Variants in PHIP observed in about 807,000 individuals in gnomAD.
PHIP encodes PH-interacting protein.
Under a neutral mutation model 236.8 loss-of-function variants are expected in PHIP, and 54 were observed. The ratio of observed to expected loss-of-function variants is 0.23; its 90% CI spans 0.18 to 0.29. The LOEUF is 0.29. Among genes scored for constraint, PHIP ranks in the 10% least tolerant of loss-of-function variants. The pLI is 1.00. For synonymous variants in PHIP, 756 were observed against 718.9 expected, an observed-to-expected ratio of 1.05 and a Z score of -0.83; for missense variants, 1,370 against 2,190.8, an observed-to-expected ratio of 0.63 and a Z score of 7.48.
At chr6:78,986,053 T>G (rs983621340) in intron 21 of PHIP, among the ~76,000 whole-genome samples, 2 of 152,168 alleles carry the variant, frequency 1.3e-5, no homozygotes, top group African/African-American at 4.8e-5. Context: ...TTGAAATTAA[T>G]TTTTACTTCT....
chr6:78,955,676 C>A lies in PHIP; in HGVS notation c.3789G>T (p.Gln1263His). ...AAAGTGGAATTATGTTATAACAAGTCTGATCCCTACATAACAAGGAAATGT... is the reference window on the plus strand; with the variant it reads ...AAAGTGGAATTATGTTATAACAAGTATGATCCCTACATAACAAGGAAATGT... ...TDLLLHFIKD[Q>H]TCYNIIPLYN... The change falls in exon 33 of 40, where the codon CAG (glutamine) becomes CAT (histidine). Residue 1263 changes from glutamine to histidine, a missense_variant. Around this residue, in one of 14 missense-constraint regions of PHIP, gnomAD observed 38 missense variants for 27.6 expected, o/e 1.38. Transcript: ENST00000275034. 9.6e-7 allele frequency: 1 copy of A among 1,036,938 alleles called. No individual in the cohort carries two copies. 64.2% of individuals were successfully genotyped at this position (1,036,938 alleles called of 1,614,324 possible).
chr6:78,977,727 G>A (rs900201403), intron 24 of PHIP, among the ~76,000 whole-genome samples: 28 of 152,274 alleles, frequency 1.8e-4, no homozygotes, highest in South Asian at 4.1e-4. Context: ...AGGATGTTAA[G>A]ATCTATCACT....
chr6:79,021,804 T>C (rs1394914503), intron 9 of PHIP, among the ~76,000 whole-genome samples: 2 of 152,116 alleles, frequency 1.3e-5, no homozygotes, highest in Non-Finnish European at 2.9e-5. Flanking sequence ...TAAGGCCTAG[T>C]ATTTGATAGC....
Position 78,937,254 on chromosome 6 carries a change from T to G in PHIP, c.*3439A>C, listed in dbSNP as rs187076523. 5.5e-4 allele frequency: 84 copies of G among 151,852 alleles called. No individual in the cohort carries two copies. The highest frequency in any genetic ancestry group is 9.8e-4 in the Non-Finnish European group (66 of 67,654). 9.4% of individuals were successfully genotyped at this position (151,852 alleles called of 1,614,324 possible). A position where few individuals can be genotyped will look rare whatever the true frequency, so the allele number is the denominator to read the frequency against. On this transcript the variant is annotated 3_prime_UTR_variant, in exon 40 of 40. Coordinates refer to ENST00000275034, the MANE Select transcript of PHIP (RefSeq NM_017934.7). ...GCTTCTAGCTGACATTTGAGAGAGA[T>G]ATACAGTAGGTATATATGTATAAAA...
intron 24 of PHIP, 119 bp from the exon 25 acceptor site, chr6:78,971,007 A>G (rs1251542316): frequency 3.0e-6 from 2 of 658,606 alleles, no homozygotes; most frequent in South Asian, 1.9e-5. Flanking sequence ...AGAAATTCTA[A>G]TATTTTCTCC....
chr6:79,059,626 A>AT (rs1562216785), intron 6 of PHIP, among the ~76,000 whole-genome samples: 491 of 43,116 alleles, frequency 0.011, 7 homozygotes, highest in East Asian at 0.023. Flanking sequence ...TATATATATA[A>AT]AAATGCCAAA....
At chr6:79,065,368 AT>A (rs1233556165) in intron 4 of PHIP, among the ~76,000 whole-genome samples, 1 of 151,992 alleles carries the variant, frequency 6.6e-6, no homozygotes, top group Non-Finnish European at 1.5e-5. Context: ...GTCACTTCTT[AT>A]TTTTCTAGCT....
chr6:79,010,130 GAA>G (rs913121941), intron 15 of PHIP, among the ~76,000 whole-genome samples: 5 of 151,654 alleles, frequency 3.3e-5, no homozygotes, highest in Admixed American at 1.3e-4. Flanking sequence ...GAAAAGAAAA[GAA>G]AGAGAAAGAG....
chr6:78,965,888 G>C, intron 28 of PHIP, 57 bp downstream of exon 28: 2 of 1,313,354 alleles, frequency 1.5e-6, no homozygotes, highest in Non-Finnish European at 2.2e-6. Flanking sequence ...TTAATAGATG[G>C]AAAAAAAAAT....
chr6:78,941,587 CATTGTG>C (rs1773504410), intron 39 of PHIP, among the ~76,000 whole-genome samples: 1 of 152,100 alleles, frequency 6.6e-6, no homozygotes, highest in South Asian at 2.1e-4. Context: ...TCTAAGTTAA[CATTGTG>C]ATTGAGTATA....
chr6:79,076,792 G>A (rs1398818577), intron 4 of PHIP, among the ~76,000 whole-genome samples: 2 of 152,088 alleles, frequency 1.3e-5, no homozygotes, highest in Admixed American at 6.5e-5. Flanking sequence ...GGGAATTACA[G>A]GCTTTACACT....
At chr6:79,033,321 T>A (rs937244112) in intron 7 of PHIP, among the ~76,000 whole-genome samples, 1 of 152,192 alleles carries the variant, frequency 6.6e-6, no homozygotes, top group African/African-American at 2.4e-5. Flanking sequence ...GGCATTGACT[T>A]CTCTCTAATT....
intron 32 of PHIP, chr6:78,957,011 T>C (rs1766461885): frequency 6.6e-6 from 1 of 152,072 alleles, no homozygotes; most frequent in Non-Finnish European, 1.5e-5. Flanking sequence ...GAATACTTAA[T>C]ATCTTGAAGA....
At chr6:79,072,697 G>A (rs1177698379) in intron 4 of PHIP, among the ~76,000 whole-genome samples, 1 of 151,772 alleles carries the variant, frequency 6.6e-6, no homozygotes, top group Non-Finnish European at 1.5e-5. Context: ...ATTTTGTCCA[G>A]GCTGGTCTCC....
chr6:79,004,959 C>A (rs1770204739), intron 15 of PHIP, among the ~76,000 whole-genome samples: 1 of 152,060 alleles, frequency 6.6e-6, no homozygotes, highest in African/African-American at 2.4e-5. Context: ...AAGGACTTTA[C>A]CTAAGAAGTT....
intron 17 of PHIP, among the ~76,000 whole-genome samples, chr6:78,998,595 G>T (rs1218672723): frequency 6.6e-6 from 1 of 151,936 alleles, no homozygotes; most frequent in East Asian, 1.9e-4. Flanking sequence ...TAACGATGAG[G>T]ATGGTTGCTA....
intron 35 of PHIP, among the ~76,000 whole-genome samples, chr6:78,952,725 G>A (rs559865914): frequency 6.6e-6 from 1 of 152,064 alleles, no homozygotes; most frequent in East Asian, 1.9e-4. Flanking sequence ...TTCATTTCCA[G>A]GATTCTATTT....
rs1233386468 is a variant in PHIP at position 79,023,482 on chromosome 6, A to C, written c.923+2037T>G. Among the ~76,000 whole-genome samples, 4 of 152,186 alleles carry C rather than the reference A, an allele frequency of 2.6e-5. No individual in the cohort carries two copies. In the East Asian group the frequency reaches 7.7e-4, roughly 29 times the overall value. ...GGAAAGAATATAGGAATAGGAAAGA[A>C]TATTACTTATAAATACCTAGAAAAA... is the stretch of plus-strand genomic sequence containing the variant. On this transcript the variant is annotated intron_variant, in intron 9 of 39. Coordinates refer to ENST00000275034, the MANE Select transcript of PHIP (RefSeq NM_017934.7).
intron 17 of PHIP, among the ~76,000 whole-genome samples, chr6:78,998,992 A>G (rs1279519455): frequency 2.0e-5 from 3 of 152,120 alleles, no homozygotes; most frequent in East Asian, 1.9e-4. Context: ...AGTATGAAAG[A>G]GAGGTGTTGA....
Sources: allele counts gnomAD v4.1 joint callset (sites outside exome capture counted in the v4.1 genomes callset), GRCh38; gene constraint gnomAD v4.1.1; regional missense constraint gnomAD v4.1.1; transcripts MANE v1.5; gene names NCBI Gene and HGNC (gene_info 2026-07-23, HGNC 2026-07-21).